HAL: variants seen among roughly 807,000 people sequenced by gnomAD.
The protein encoded by HAL is histidine ammonia-lyase.
Under a neutral mutation model 81.1 loss-of-function variants are expected in HAL, and 85 were observed. That is an observed-to-expected ratio of 1.05 (90% CI 0.88 to 1.25). The LOEUF (loss-of-function observed/expected upper bound fraction) is 1.25, where lower values mean the gene tolerates loss of function less well. Ranked by LOEUF, HAL falls within the 50% of genes most tolerant of loss-of-function variation. The pLI, the probability that HAL is intolerant of heterozygous loss-of-function variation, is 0.00. For missense variants in HAL, 798 were observed against 836.6 expected (o/e 0.95, Z 0.57); for synonymous variants, 301 against 309.2 (o/e 0.97, Z 0.28).
At chr12:95,988,291 T>A in intron 10 of HAL, 51 bp from the exon 11 acceptor site, 1 of 906,390 alleles carries the variant, frequency 1.1e-6, no homozygotes. Flanking sequence ...AATACTAGCC[T>A]ATTTCCAATA....
chr12:95,981,755 C>T (rs865840770), intron 15 of HAL, among the ~76,000 whole-genome samples: 24 of 152,310 alleles, frequency 1.6e-4, no homozygotes, highest in Middle Eastern at 6.8e-3. Flanking sequence ...CCACCAAACC[C>T]AGCCTCAGAT....
Position 95,994,180 on chromosome 12 carries a change from G to A in HAL, c.337-16C>T. On this transcript the variant is annotated splice_polypyrimidine_tract_variant and intron_variant, in intron 4 of 20. Coordinates refer to ENST00000261208, the MANE Select transcript of HAL (RefSeq NM_002108.4). Reference sequence around the variant, plus strand: ...ACTCGATGTACTACACAAAAGAAGGGGATCTCAGTGAGTCTGAACAGCTTG... The same window carrying A: ...ACTCGATGTACTACACAAAAGAAGGAGATCTCAGTGAGTCTGAACAGCTTG... The A allele has an allele frequency of 6.3e-7, 1 of 1,574,956 alleles. No individual in the cohort carries two copies. Among genetic ancestry groups the A allele is most frequent in the African/African-American group, 1.3e-5 (1 of 74,306 alleles).
chr12:95,974,561 T>TTTG (rs2080693591), intron 20 of HAL, among the ~76,000 whole-genome samples, 189 bp from the exon 21 acceptor site: 1 of 152,210 alleles, frequency 6.6e-6, no homozygotes, highest in Non-Finnish European at 1.5e-5. Flanking sequence ...CATTAAAGAC[T>TTTG]GTAAATATAC....
In HAL at chr12:95,974,341, T is replaced by G; in HGVS notation, c.1865A>C (p.Lys622Thr). 1 of 1,613,010 alleles carries G rather than the reference T, an allele frequency of 6.2e-7. No homozygotes were observed. Among genetic ancestry groups the G allele is most frequent in the Non-Finnish European group, 8.5e-7 (1 of 1,178,964 alleles). The change falls in exon 21 of 21, where the codon AAA (lysine) becomes ACA (threonine). Residue 622 changes from lysine to threonine, a missense_variant. Lys to Thr is a moderately conservative substitution (Grantham distance 78, BLOSUM62 -1). Coordinates refer to ENST00000261208, the MANE Select transcript of HAL (RefSeq NM_002108.4). ...VWEVAAPYIE[K>T]YRMEHIPESR... ...TTCTGGAATATGCTCCATTCTGTAT[T>G]TTTCAATGTATGGAGCAGCTACTTC...
chr12:95,977,641 TCAAAAAA>T (rs1565985101), intron 18 of HAL, among the ~76,000 whole-genome samples: 1 of 16,332 alleles, frequency 6.1e-5, no homozygotes, highest in Non-Finnish European at 8.9e-5. Context: ...AGATCCTGCC[TCAAAAAA>T]AAAAAAAAAA....
intron 18 of HAL, among the ~76,000 whole-genome samples, chr12:95,977,202 G>A (rs2080731205): frequency 6.6e-6 from 1 of 152,124 alleles, no homozygotes; most frequent in African/African-American, 2.4e-5. Flanking sequence ...TGGACTAGAA[G>A]ATGAGAAATT....
chr12:95,975,979 A>C (rs943210677), intron 20 of HAL: 13 of 325,554 alleles, frequency 4.0e-5, no homozygotes, highest in Middle Eastern at 2.2e-3. Flanking sequence ...TCACCAGAGC[A>C]CTAGACAGAC....
At chr12:95,988,614 T>G (rs558853351) in intron 10 of HAL, among the ~76,000 whole-genome samples, 1 of 152,346 alleles carries the variant, frequency 6.6e-6, no homozygotes, top group South Asian at 2.1e-4. Flanking sequence ...GTGCTCAGGC[T>G]GGACTCCTCC....
intron 4 of HAL, among the ~76,000 whole-genome samples, chr12:95,994,554 T>C (rs1005686916): frequency 6.6e-6 from 1 of 152,170 alleles, no homozygotes; most frequent in African/African-American, 2.4e-5. Context: ...CATACCTGGC[T>C]AATTTTTGTA....
chr12:95,980,460 G>T (rs1429735598), intron 17 of HAL, 96 bp downstream of exon 17: 5 of 1,148,492 alleles, frequency 4.4e-6, no homozygotes, highest in Non-Finnish European at 6.5e-6. Flanking sequence ...TGAAAAGTTA[G>T]ATCTCACTCA....
chr12:95,985,580 A>T (rs1949872114), intron 14 of HAL, among the ~76,000 whole-genome samples: 1 of 145,488 alleles, frequency 6.9e-6, no homozygotes, highest in Non-Finnish European at 1.5e-5. Context: ...ACAGAGTGAG[A>T]CTCTGTCTCC....
intron 14 of HAL, among the ~76,000 whole-genome samples, chr12:95,985,219 A>G (rs1327116617): frequency 1.8e-4 from 27 of 152,226 alleles, no homozygotes. Context: ...TCATCTTAAC[A>G]GGGAGAAACA....
Position 95,977,972 on chromosome 12 carries a change from G to A in HAL, c.1626C>T (p.Ala542=), listed in dbSNP as rs1269645855. The change falls in exon 18 of 21, where the codon GCC becomes GCT. Residue 542 remains alanine (A), a synonymous_variant. Transcript: ENST00000261208. ...VSMGGWAARK[A]LRVIEHVEQV... ...GCTCCACATGCTCGATGACCCTGAG[G>A]GCTTTCCTTGCTGCCCATCCTCCCA... 4 of 1,614,050 alleles carry A rather than the reference G, an allele frequency of 2.5e-6. No individual in the cohort carries two copies. In the African/African-American group the frequency reaches 5.3e-5, roughly 22 times the overall value.
rs1331451439 is a variant in HAL at position 95,980,714 on chromosome 12, T to G, written c.1361A>C (p.Asp454Ala). ...FHGEYPAKAL[D>A]YLAIGIHELA... ...TTCATGGATGCCAATGGCCAAGTAG[T>G]CTAGGGCCTGAAAGAGGGTCTCCAT... The change falls in exon 17 of 21, where the codon GAC (aspartate) becomes GCC (alanine). Residue 454 changes from aspartate (D) to alanine (A), a missense_variant. By Grantham distance (126) the Asp-to-Ala change is moderately radical (BLOSUM62 -2). Transcript: ENST00000261208. 1.2e-6 allele frequency: 2 copies of G among 1,613,892 alleles called. No individual in the cohort carries two copies. Among genetic ancestry groups the G allele is most frequent in the South Asian group, 2.2e-5 (2 of 91,082 alleles).
rs112610390 is a variant in HAL at position 95,974,250 on chromosome 12, C to G, written c.1956G>C (p.Pro652=). The G allele has an allele frequency of 6.2e-7, 1 of 1,613,984 alleles. No individual in the cohort carries two copies. Among genetic ancestry groups the G allele is most frequent in the South Asian group, 1.1e-5 (1 of 91,062 alleles). The part of the protein sequence containing the change: ...QFLHKKSTKI[P]ESEDL The stretch of plus-strand genomic sequence containing the variant: ...AAGCCCATTAAAGGTCCTCAGACTC[C>G]GGGATTTTGGTGGATTTCTTGTGCA... Residue 652 remains proline, a synonymous_variant, in exon 21 of 21, where the codon CCG becomes CCC. Coordinates refer to ENST00000261208, the MANE Select transcript of HAL (RefSeq NM_002108.4).
At chr12:95,978,751 T>A (rs1355996563) in intron 17 of HAL, among the ~76,000 whole-genome samples, 1 of 152,194 alleles carries the variant, frequency 6.6e-6, no homozygotes, top group African/African-American at 2.4e-5. Flanking sequence ...AGGACTACAC[T>A]ATAAGTAGCA....
chr12:95,983,963 G>T lies in HAL; in HGVS notation c.1235C>A (p.Ala412Glu). Residue 412 changes from alanine to glutamate, a missense_variant, in exon 15 of 21, where the codon GCA (alanine) becomes GAA (glutamate). By Grantham distance (107) the Ala-to-Glu change is moderately radical. Coordinates refer to ENST00000261208, the MANE Select transcript of HAL (RefSeq NM_002108.4). The part of the protein sequence containing the change: ...QVHGVVNDTI[A>E]FVKNIITTEL... ...TGTGGTAATGATGTTCTTCACAAATGCTATTGTATCATTCACCACACCATG... is the reference window on the plus strand; with the variant it reads ...TGTGGTAATGATGTTCTTCACAAATTCTATTGTATCATTCACCACACCATG... 1 of 1,585,626 alleles carries T rather than the reference G, an allele frequency of 6.3e-7. No individual in the cohort carries two copies. The highest frequency in any genetic ancestry group is 8.7e-7 in the Non-Finnish European group (1 of 1,154,952).
In HAL at chr12:95,984,086, A is replaced by G. The variant is rs561756751; in HGVS notation, c.1207-95T>C. The G allele has an allele frequency of 5.5e-6, 4 of 721,506 alleles. No homozygotes were observed. In the African/African-American group the frequency reaches 7.0e-5, roughly 13 times the overall value. The allele number at this position is 721,506 out of a possible 1,614,324, so 44.7% of individuals were successfully genotyped here. On this transcript the variant is annotated intron_variant, in intron 14 of 20. Coordinates refer to ENST00000261208, the MANE Select transcript of HAL (RefSeq NM_002108.4). ...ATATAGAAGATCTTATCTTAAAGTTATAAAGAATACAGAAGATCTTATTTT... is the reference window on the plus strand; with the variant it reads ...ATATAGAAGATCTTATCTTAAAGTTGTAAAGAATACAGAAGATCTTATTTT...
chr12:95,974,211 G>T lies in HAL; in HGVS notation c.*21C>A. On this transcript the variant is annotated 3_prime_UTR_variant, in exon 21 of 21. Transcript: ENST00000261208. Reference sequence around the variant, plus strand: ...TGCTAAACTGACTGCCCTCTCATCTGCTACTTCATGACAAAGCCCATTAAA... The same window carrying T: ...TGCTAAACTGACTGCCCTCTCATCTTCTACTTCATGACAAAGCCCATTAAA... The T allele has an allele frequency of 1.9e-6, 3 of 1,610,912 alleles. No individual in the cohort carries two copies. In the South Asian group the frequency reaches 3.3e-5, roughly 18 times the overall value.
Sources: gnomAD v4.1 joint callset for allele counts (sites outside exome capture counted in the v4.1 genomes callset) on GRCh38, gnomAD v4.1.1 for gene constraint, MANE v1.5 for transcripts, NCBI Gene and HGNC (gene_info 2026-07-23, HGNC 2026-07-21) for gene names.